EYA3: variants seen among roughly 807,000 people sequenced by gnomAD.
EYA3 encodes EYA transcriptional coactivator and phosphatase 3, also known as protein phosphatase EYA3.
A neutral mutation model predicts 80.0 loss-of-function variants in EYA3; 39 were observed. The ratio of observed to expected loss-of-function variants is 0.49; its 90% CI spans 0.38 to 0.64. The LOEUF (loss-of-function observed/expected upper bound fraction) is 0.64. Ranked by LOEUF, EYA3 falls within the 30% of genes least tolerant of loss-of-function variation. EYA3 has a pLI of 0.00. For missense variants in EYA3, 523 were observed against 676.1 expected (o/e 0.77, Z 2.51); for synonymous variants, 206 against 232.8 (o/e 0.88, Z 1.05).
At chr1:28,083,801 A>G (rs1028738931) in intron 1 of EYA3, among the ~76,000 whole-genome samples, 1 of 152,224 alleles carries the variant, frequency 6.6e-6, no homozygotes, top group Non-Finnish European at 1.5e-5. Flanking sequence ...AAATGTACAA[A>G]TAAGATCAAA....
chr1:28,017,101 A>G, intron 8 of EYA3, 53 bp downstream of exon 8: 2 of 1,475,858 alleles, frequency 1.4e-6, no homozygotes, highest in Non-Finnish European at 1.9e-6. Flanking sequence ...GAAAGAAGAA[A>G]GAGCAAGCTG....
At chr1:28,055,165 T>A (rs964385501) in intron 2 of EYA3, among the ~76,000 whole-genome samples, 1 of 152,172 alleles carries the variant, frequency 6.6e-6, no homozygotes, top group African/African-American at 2.4e-5. Context: ...AATTAAGGTA[T>A]CAAAGGGTGA....
chr1:28,060,267 C>A (rs1006429993), intron 1 of EYA3, among the ~76,000 whole-genome samples: 3 of 152,030 alleles, frequency 2.0e-5, no homozygotes, highest in Non-Finnish European at 4.4e-5. Context: ...TGTTTTTAAA[C>A]ACAAAAACTA....
At chr1:27,978,877 G>A (rs1639122210) in intron 16 of EYA3, among the ~76,000 whole-genome samples, 1 of 152,154 alleles carries the variant, frequency 6.6e-6, no homozygotes, top group Admixed American at 6.5e-5. Flanking sequence ...CAGGAGAATC[G>A]CTTGAACCCG....
chr1:28,084,589 ATATATATTTTTTTTTTTTTTTT>A (rs1322886137), intron 1 of EYA3, among the ~76,000 whole-genome samples: 1 of 15,712 alleles, frequency 6.4e-5, no homozygotes, highest in Non-Finnish European at 1.1e-4. Context: ...ATATATATAT[ATATATATTTTTTTTTTTTTTTT>A]TTTTTTTTTT....
At chr1:28,022,791 T>C (rs913001316) in intron 7 of EYA3, among the ~76,000 whole-genome samples, 1 of 151,968 alleles carries the variant, frequency 6.6e-6, no homozygotes, top group Non-Finnish European at 1.5e-5. Context: ...CACAGCTCAC[T>C]GAGGCCTCGA....
Position 27,997,460 on chromosome 1 carries a change from T to TAC in EYA3, c.1084-84_1084-83dup. ...CATGACATACTATAAAAAGACCATA[T>TAC]ACAGTGGCAGGATAATGAAATGCCT... On this transcript the variant is annotated intron_variant, in intron 12 of 17. Transcript: ENST00000373871. 3 of 1,199,984 alleles carry TAC rather than the reference T, an allele frequency of 2.5e-6. No homozygotes were observed. The South Asian group carries it at 3.6e-5, about 15-fold the overall frequency. The allele number at this position is 1,199,984 out of a possible 1,614,324, so 74.3% of individuals were successfully genotyped here.
At chr1:28,028,243 G>T (rs1302586331) in intron 6 of EYA3, among the ~76,000 whole-genome samples, 2 of 152,144 alleles carry the variant, frequency 1.3e-5, no homozygotes, top group Non-Finnish European at 2.9e-5. Flanking sequence ...TGGAGTATCT[G>T]TTATAAAGAG....
intron 4 of EYA3, among the ~76,000 whole-genome samples, chr1:28,040,125 A>G (rs1643693642): frequency 1.3e-5 from 2 of 152,234 alleles, no homozygotes; most frequent in Non-Finnish European, 1.5e-5. Context: ...GAGTCAAGAT[A>G]TAATATCCAT....
intron 10 of EYA3, 126 bp downstream of exon 10, chr1:28,010,821 T>A (rs1346974447): frequency 1.1e-5 from 13 of 1,156,346 alleles, no homozygotes; most frequent in Non-Finnish European, 1.4e-5. Flanking sequence ...TTTAGTTTAT[T>A]TTGCTCAGGA....
chr1:28,064,724 G>C (rs1233420750), intron 1 of EYA3, among the ~76,000 whole-genome samples: 1 of 152,044 alleles, frequency 6.6e-6, no homozygotes, highest in Non-Finnish European at 1.5e-5. Flanking sequence ...CTGGGCTCAA[G>C]CAATCCTCCC....
chr1:27,989,456 T>G (rs1326588409), intron 15 of EYA3, among the ~76,000 whole-genome samples: 1 of 152,174 alleles, frequency 6.6e-6, no homozygotes, highest in Non-Finnish European at 1.5e-5. Context: ...AGTTTTAATT[T>G]CGTGAGCAAA....
chr1:28,060,670 T>C (rs12137852), intron 1 of EYA3, among the ~76,000 whole-genome samples: 39,643 of 152,116 alleles, frequency 0.26, 5,223 homozygotes, highest in Non-Finnish European at 0.28. Flanking sequence ...TCTGTCTTCT[T>C]GGCTTTTCAA....
intron 1 of EYA3, among the ~76,000 whole-genome samples, chr1:28,065,365 T>C (rs1191196747): frequency 3.3e-5 from 5 of 152,156 alleles, no homozygotes; most frequent in Middle Eastern, 3.4e-3. Context: ...CTCCGCCTCC[T>C]GGGTTCAAGC....
chr1:28,063,169 G>A (rs911844870), intron 1 of EYA3, among the ~76,000 whole-genome samples: 58 of 152,048 alleles, frequency 3.8e-4, no homozygotes, highest in African/African-American at 1.4e-3. Context: ...AGTATGTACA[G>A]AGATATTCAG....
At chr1:28,007,635 C>T (rs1641388702) in intron 10 of EYA3, among the ~76,000 whole-genome samples, 1 of 151,884 alleles carries the variant, frequency 6.6e-6, no homozygotes, top group African/African-American at 2.4e-5. Flanking sequence ...CCCGGCCAAT[C>T]AGCTGTATTT....
chr1:28,038,936 AAGTT>A (rs753070559), intron 4 of EYA3, 31 bp from the exon 5 acceptor site: 2 of 1,497,262 alleles, frequency 1.3e-6, no homozygotes, highest in African/African-American at 2.8e-5. Flanking sequence ...CCAGGTTAAA[AAGTT>A]AGAACATTTC....
At chr1:28,061,812 G>T (rs1247633320) in intron 1 of EYA3, among the ~76,000 whole-genome samples, 1 of 151,998 alleles carries the variant, frequency 6.6e-6, no homozygotes, top group African/African-American at 2.4e-5. Context: ...TGTTAGCCAG[G>T]ATGATCTCGA....
rs1640532285 is a variant in EYA3, at chr1:27,997,362, T to C, written c.1100A>G (p.His367Arg). The part of the protein sequence containing the change: ...FNDLEECDQV[H>R]VEDVASDDNG... ...GTCATCAGAAGCCACATCTTCCACATGTACCTGGTCACACTCCTGTTAAAA... is the reference window on the plus strand; with the variant it reads ...GTCATCAGAAGCCACATCTTCCACACGTACCTGGTCACACTCCTGTTAAAA... The change falls in exon 13 of 18, where the codon CAT (histidine) becomes CGT (arginine). Residue 367 changes from histidine to arginine, a missense_variant. By Grantham distance (29) the His-to-Arg change is conservative. This residue lies in a region of EYA3 where 219 missense variants were observed against 332.8 expected (regional missense o/e 0.66). Transcript: ENST00000373871. 6.2e-7 allele frequency: 1 copy of C among 1,614,162 alleles called. No homozygotes were observed. The highest frequency in any genetic ancestry group is 8.5e-7 in the Non-Finnish European group (1 of 1,179,990).
Sources: allele counts gnomAD v4.1 joint callset (sites outside exome capture counted in the v4.1 genomes callset), GRCh38; gene constraint gnomAD v4.1.1; regional missense constraint gnomAD v4.1.1; transcripts MANE v1.5; gene names NCBI Gene and HGNC (gene_info 2026-07-23, HGNC 2026-07-21).